The following CADM2 variants were observed in gnomAD, a reference collection of about 807,000 sequenced individuals.
CADM2 encodes the protein cell adhesion molecule 2.
CADM2 carries 12 observed loss-of-function variants against 49.8 expected under a neutral mutation model. That is an observed-to-expected ratio of 0.24 (90% CI 0.15 to 0.39). The LOEUF is 0.39. Ranked by LOEUF, CADM2 falls within the 10% of genes least tolerant of loss-of-function variation. The pLI is 1.00. For synonymous variants in CADM2, 214 were observed against 175.4 expected, an observed-to-expected ratio of 1.22 and a Z score of -1.74; for missense variants, 378 against 492.3, an observed-to-expected ratio of 0.77 and a Z score of 2.20.
At chr3:85,259,232 A>G (rs1480807049) in intron 1 of CADM2, among the ~76,000 whole-genome samples, 1 of 152,140 alleles carries the variant, frequency 6.6e-6, no homozygotes, top group African/African-American at 2.4e-5. Flanking sequence ...CATGACAGTG[A>G]TGTAGGTGGA....
At chr3:85,512,965 T>C (rs1251797763) in intron 1 of CADM2, among the ~76,000 whole-genome samples, 1 of 152,082 alleles carries the variant, frequency 6.6e-6, no homozygotes, top group Non-Finnish European at 1.5e-5. Context: ...AGTTTTGCAT[T>C]CACAACTTAG....
intron 1 of CADM2, among the ~76,000 whole-genome samples, chr3:85,637,621 A>AATAAAATAAAATAAAATAAAAT (rs1553753403): frequency 1.7e-5 from 2 of 114,528 alleles, no homozygotes; most frequent in Non-Finnish European, 3.4e-5. Flanking sequence ...AAAAAAAAAA[A>AATAAAATAAAATAAAATAAAAT]AAAATAAAAT....
At chr3:85,712,197 A>T (rs906519812) in intron 1 of CADM2, among the ~76,000 whole-genome samples, 1 of 152,162 alleles carries the variant, frequency 6.6e-6, no homozygotes, top group Non-Finnish European at 1.5e-5. Context: ...AAACTAATTT[A>T]TTGCTTTGTA....
intron 3 of CADM2, among the ~76,000 whole-genome samples, chr3:85,872,537 TC>T (rs906174309): frequency 2.6e-5 from 4 of 151,858 alleles, no homozygotes; most frequent in African/African-American, 7.2e-5. Context: ...AAATTACCTT[TC>T]ATCAGTCACT....
At chr3:85,880,776 G>GC (rs1712638388) in intron 3 of CADM2, among the ~76,000 whole-genome samples, 2 of 152,192 alleles carry the variant, frequency 1.3e-5, no homozygotes, top group East Asian at 3.9e-4. Context: ...TATGAGAAAT[G>GC]CCCCCACTCA....
At chr3:85,458,873 G>A (rs2038113708) in intron 1 of CADM2, among the ~76,000 whole-genome samples, 2 of 152,154 alleles carry the variant, frequency 1.3e-5, no homozygotes, top group South Asian at 4.1e-4. Context: ...AGTATTAAAA[G>A]GAAGGCAATC....
intron 1 of CADM2, among the ~76,000 whole-genome samples, chr3:85,332,961 A>AT (rs2044974101): frequency 6.6e-6 from 1 of 151,894 alleles, no homozygotes; most frequent in South Asian, 2.1e-4. Context: ...CACATTCAAC[A>AT]TTTTTAATTC....
At chr3:85,007,199 GA>G (rs2033775672) in intron 1 of CADM2, among the ~76,000 whole-genome samples, 1 of 151,992 alleles carries the variant, frequency 6.6e-6, no homozygotes. Context: ...AAAAATTCTC[GA>G]ATCAGGTAGT....
chr3:85,608,125 T>G (rs2063582949), intron 1 of CADM2, among the ~76,000 whole-genome samples: 2 of 152,170 alleles, frequency 1.3e-5, no homozygotes, highest in African/African-American at 2.4e-5. Context: ...TCAAACCGTG[T>G]GGGCATACAA....
intron 1 of CADM2, among the ~76,000 whole-genome samples, chr3:85,274,095 G>A (rs1215397743): frequency 6.6e-6 from 1 of 151,470 alleles, no homozygotes; most frequent in Non-Finnish European, 1.5e-5. Flanking sequence ...ATTGCAAATA[G>A]GATTTAGCAG....
At chr3:85,705,270 T>C (rs904200874) in intron 1 of CADM2, among the ~76,000 whole-genome samples, 2 of 151,484 alleles carry the variant, frequency 1.3e-5, no homozygotes, top group Non-Finnish European at 2.9e-5. Flanking sequence ...GTTTTGTATG[T>C]GATGACTTGG....
intron 1 of CADM2, among the ~76,000 whole-genome samples, chr3:85,304,127 G>A (rs946203198): frequency 6.6e-6 from 1 of 151,752 alleles, no homozygotes; most frequent in African/African-American, 2.4e-5. Flanking sequence ...TAGGAAGGTG[G>A]CATATATGTA....
intron 1 of CADM2, among the ~76,000 whole-genome samples, chr3:85,584,312 A>G (rs1237743036): frequency 6.6e-6 from 1 of 152,070 alleles, no homozygotes; most frequent in Non-Finnish European, 1.5e-5. Flanking sequence ...ATTTCAGTCT[A>G]GAGGAAATTA....
At chr3:85,791,556 G>A (rs1429123689) in intron 2 of CADM2, among the ~76,000 whole-genome samples, 5 of 151,006 alleles carry the variant, frequency 3.3e-5, no homozygotes, top group Non-Finnish European at 7.4e-5. Flanking sequence ...GAGAGAGAGA[G>A]AGAGAGAGAG....
intron 1 of CADM2, among the ~76,000 whole-genome samples, chr3:85,157,915 G>T (rs1174386212): frequency 1.3e-5 from 2 of 152,202 alleles, no homozygotes; most frequent in East Asian, 1.9e-4. Context: ...CCTACAAAAT[G>T]GGAGAAAATT....
chr3:85,292,055 A>G (rs1323073982), intron 1 of CADM2, among the ~76,000 whole-genome samples: 3 of 151,348 alleles, frequency 2.0e-5, no homozygotes, highest in Non-Finnish European at 4.4e-5. Context: ...TCTCATGTGC[A>G]GAGACACACA....
At chr3:85,684,049 C>A (rs557340700) in intron 1 of CADM2, among the ~76,000 whole-genome samples, 4 of 152,068 alleles carry the variant, frequency 2.6e-5, no homozygotes, top group Non-Finnish European at 5.9e-5. Flanking sequence ...ATGTTCCCAC[C>A]GATTGGTGGA....
chr3:85,177,233 C>T (rs1353668351), intron 1 of CADM2, among the ~76,000 whole-genome samples: 1 of 152,058 alleles, frequency 6.6e-6, no homozygotes, highest in Admixed American at 6.6e-5. Flanking sequence ...AGAAAATAAT[C>T]CAGTAGCAAC....
chr3:85,041,023 T>C (rs1265981380), intron 1 of CADM2, among the ~76,000 whole-genome samples: 1 of 152,200 alleles, frequency 6.6e-6, no homozygotes, highest in African/African-American at 2.4e-5. Context: ...TAAATATCAG[T>C]TTGGACCCTC....
Sources: gnomAD v4.1 joint callset for allele counts (sites outside exome capture counted in the v4.1 genomes callset) on GRCh38, gnomAD v4.1.1 for gene constraint, MANE v1.5 for transcripts, NCBI Gene and HGNC (gene_info 2026-07-23, HGNC 2026-07-21) for gene names.